Variants in NBPF14 observed in about 807,000 individuals in gnomAD.
The protein encoded by NBPF14 is NBPF member 14.
NBPF14 carries 104 observed loss-of-function variants against 91.2 expected under a neutral mutation model. That is an observed-to-expected ratio of 1.14 (90% confidence interval 0.97 to 1.34). The LOEUF is 1.34. Ranked by LOEUF, NBPF14 falls within the 40% of genes most tolerant of loss-of-function variation. The pLI is 0.00. For missense variants in NBPF14, 908 were observed against 783.0 expected (o/e 1.16, Z -1.91); for synonymous variants, 294 against 303.8 (o/e 0.97, Z 0.34).
At chr1:148,566,608 A>G (rs1282431239) in intron 28 of NBPF14, among the ~76,000 whole-genome samples, 7 of 141,810 alleles carry the variant, frequency 4.9e-5, no homozygotes, top group Admixed American at 1.4e-4. Context: ...TGAGGGAGTA[A>G]CAGGACACTC....
chr1:148,534,264 C>T (rs1354204528), intron 69 of NBPF14, among the ~76,000 whole-genome samples: 3 of 151,770 alleles, frequency 2.0e-5, no homozygotes, highest in Middle Eastern at 3.4e-3. Flanking sequence ...AAGCAAATAC[C>T]CTCAATGATT....
At position 148,559,968 on chromosome 1, in the gene NBPF14, G is replaced by A. The variant is rs1262979607; in HGVS notation, c.4557-3C>T. On this transcript the variant is annotated splice_region_variant and splice_polypyrimidine_tract_variant and intron_variant, in intron 36 of 70. Coordinates refer to ENST00000619423, the Ensembl canonical transcript of NBPF14. ...CATGCAGCAGCTCCCTGCTGAGCCT[G>A]GAAAAGTGGAAAAAAGTAAAGAATA... 3.8e-6 allele frequency: 5 copies of A among 1,321,734 alleles called. No individual in the cohort carries two copies. The highest frequency in any genetic ancestry group is 2.5e-5 in the East Asian group (1 of 39,726). The allele number at this position is 1,321,734 out of a possible 1,614,324, so 81.9% of individuals were successfully genotyped here. A position where few individuals can be genotyped will look rare whatever the true frequency, so the allele number is the denominator to read the frequency against.
intron 37 of NBPF14, among the ~76,000 whole-genome samples, chr1:148,559,528 T>C (rs1213401699): frequency 2.4e-5 from 3 of 122,454 alleles, no homozygotes; most frequent in Admixed American, 8.1e-5. Context: ...TGTGAATTTG[T>C]CACATCTGCC....
intron 70 of NBPF14, among the ~76,000 whole-genome samples, 174 bp downstream of exon 70, chr1:148,533,687 G>C (rs1459455207): frequency 2.0e-5 from 3 of 150,590 alleles, no homozygotes; most frequent in Admixed American, 6.7e-5. Flanking sequence ...GAAATGATAA[G>C]GGGAGGAAGA....
chr1:148,534,755 A>C lies in NBPF14; in HGVS notation c.8543T>G (p.Leu2848Ter). ...AACAGCACTGCTGTAGGGCTGGCCT[A>C]AGTCAGGCAGTTCAAGATAACCTGA... Residue 2848 changes from leucine to a stop codon, truncating the protein, a stop_gained, in exon 69 of 71, where the codon TTA becomes TGA. Coordinates refer to ENST00000619423, the Ensembl canonical transcript of NBPF14. LOFTEE classifies it high-confidence loss of function. 1 of 818,190 alleles carries C rather than the reference A, an allele frequency of 1.2e-6. No homozygotes were observed. The highest frequency in any genetic ancestry group is 2.2e-6 in the Non-Finnish European group (1 of 463,472). The allele number at this position is 818,190 out of a possible 1,614,324, so 50.7% of individuals were successfully genotyped here.
intron 11 of NBPF14, among the ~76,000 whole-genome samples, chr1:148,583,871 A>C (rs1661124316): frequency 1.2e-5 from 1 of 84,958 alleles, no homozygotes; most frequent in Non-Finnish European, 2.0e-5. Context: ...TCCATTGCAA[A>C]AAAAAAAAAA....
Position 148,539,259 on chromosome 1 carries a change from G to C in NBPF14, c.7882+151C>G, listed in dbSNP as rs1167481308. On this transcript the variant is annotated intron_variant, in intron 63 of 70. Transcript: ENST00000619423. ...ATTTCATGTCTAGGCTTCCAACTGAGACTACAGTTTCTTTACAACCTATAT... is the reference window on the plus strand; with the variant it reads ...ATTTCATGTCTAGGCTTCCAACTGACACTACAGTTTCTTTACAACCTATAT... 92 of 602,420 alleles carry C rather than the reference G, an allele frequency of 1.5e-4. 19 individuals are homozygous for C. Among genetic ancestry groups the C allele is most frequent in the Non-Finnish European group, 2.6e-5 (9 of 341,600 alleles). The allele number at this position is 602,420 out of a possible 1,614,324, so 37.3% of individuals were successfully genotyped here. A position where few individuals can be genotyped will look rare whatever the true frequency, so the allele number is the denominator to read the frequency against.
intron 14 of NBPF14, among the ~76,000 whole-genome samples, chr1:148,577,675 G>A (rs1331414171): frequency 1.3e-4 from 19 of 147,982 alleles, no homozygotes; most frequent in Middle Eastern, 3.4e-3. Flanking sequence ...GACACACAGT[G>A]AACAGTGATC....
chr1:148,559,857 C>T (rs1411242048), exon 37 of NBPF14: 13 of 1,510,094 alleles, frequency 8.6e-6, no homozygotes, highest in Middle Eastern at 4.7e-4. Flanking sequence ...TTCTATAGGG[C>T]TGGCATGAGT....
intron 14 of NBPF14, among the ~76,000 whole-genome samples, 181 bp from the exon 15 acceptor site, chr1:148,577,536 C>A (rs1340519387): frequency 7.5e-5 from 10 of 132,636 alleles, no homozygotes; most frequent in Non-Finnish European, 1.1e-4. Flanking sequence ...AAAGGATGAA[C>A]GAGAAAGACA....
intron 6 of NBPF14, among the ~76,000 whole-genome samples, chr1:148,590,229 T>G (rs1325101038): frequency 2.1e-5 from 3 of 140,454 alleles, no homozygotes; most frequent in Non-Finnish European, 4.7e-5. Flanking sequence ...TTTTTTTTTT[T>G]TGTATTTTTA....
intron 13 of NBPF14, among the ~76,000 whole-genome samples, chr1:148,578,755 G>C (rs1238851733): frequency 6.9e-6 from 1 of 145,934 alleles, no homozygotes; most frequent in African/African-American, 2.5e-5. Context: ...CAGATGAGCT[G>C]ATCTGACAGA....
intron 38 of NBPF14, 27 bp downstream of exon 38, chr1:148,558,994 T>G: frequency 2.2e-6 from 1 of 449,184 alleles, no homozygotes; most frequent in East Asian, 4.0e-5. Flanking sequence ...AACACAGAAT[T>G]AAGCATCCAT....
At position 148,571,295 on chromosome 1, in the gene NBPF14, C is replaced by T. The variant is rs1250961573; in HGVS notation, c.2811-258G>A. 2.1e-3 allele frequency among the ~76,000 whole-genome samples: 164 copies of T among 78,010 alleles called. 1 individual carries two copies. Among genetic ancestry groups the T allele is most frequent in the African/African-American group, 0.013 (139 of 11,070 alleles). The allele number at this position is 78,010 out of a possible 152,430, so 51.2% of individuals were successfully genotyped here. On this transcript the variant is annotated intron_variant, in intron 22 of 70. Coordinates refer to ENST00000619423, the Ensembl canonical transcript of NBPF14. Reference sequence around the variant, plus strand: ...CACACAGAGAGAGAGAGAGAGAGAACGAGCTCAGTGAATTGTCCAGGTGAC... The same window carrying T: ...CACACAGAGAGAGAGAGAGAGAGAATGAGCTCAGTGAATTGTCCAGGTGAC...
In NBPF14 at chr1:148,587,284, C is replaced by T. The variant is rs1661711428; in HGVS notation, c.1091+17G>A. The T allele has an allele frequency of 7.6e-6, 12 of 1,570,844 alleles. No homozygotes were observed. The highest frequency in any genetic ancestry group is 1.0e-5 in the Non-Finnish European group (12 of 1,148,886). On this transcript the variant is annotated intron_variant, in intron 8 of 70. Transcript: ENST00000619423. Reference sequence around the variant, plus strand: ...TACACACCTGCCCCCCTGCCTGCCCCCATGGGGTCCCCTCACCTGAGCTCC... The same window carrying T: ...TACACACCTGCCCCCCTGCCTGCCCTCATGGGGTCCCCTCACCTGAGCTCC...
rs1465202951 is a variant in NBPF14, at chr1:148,592,811, G to C, written c.279-45C>G. On this transcript the variant is annotated intron_variant, in intron 3 of 70. Transcript: ENST00000619423. ...AAAATTTAAGAGTAGAAAGGGTTGAGTGATCCGTTCAAATATTGCAACAGA... is the reference window on the plus strand; with the variant it reads ...AAAATTTAAGAGTAGAAAGGGTTGACTGATCCGTTCAAATATTGCAACAGA... The C allele has an allele frequency of 2.3e-6, 3 of 1,319,976 alleles. No homozygotes were observed. The African/African-American group carries it at 5.1e-5, about 22-fold the overall frequency. 81.8% of individuals were successfully genotyped at this position (1,319,976 alleles called of 1,614,324 possible). A position where few individuals can be genotyped will look rare whatever the true frequency, so the allele number is the denominator to read the frequency against.
chr1:148,566,675 A>G (rs1426713192), intron 28 of NBPF14, among the ~76,000 whole-genome samples: 1 of 128,864 alleles, frequency 7.8e-6, no homozygotes, highest in Non-Finnish European at 1.7e-5. Flanking sequence ...ACTGTGCTCA[A>G]TAATTTTCCA....
chr1:148,561,698 A>C, intron 34 of NBPF14, 119 bp from the exon 35 acceptor site: 1 of 326,594 alleles, frequency 3.1e-6, no homozygotes, highest in Non-Finnish European at 5.0e-6. Flanking sequence ...TAGATCCATT[A>C]ATGAGGTAAC....
At chr1:148,535,985 G>T (rs1275978949) in intron 67 of NBPF14, among the ~76,000 whole-genome samples, 7 of 150,640 alleles carry the variant, frequency 4.6e-5, no homozygotes, top group Middle Eastern at 3.5e-3. Flanking sequence ...CCAACATCTT[G>T]AGAGTAGGAT....
Sources: allele counts gnomAD v4.1 joint callset (sites outside exome capture counted in the v4.1 genomes callset), GRCh38; gene constraint gnomAD v4.1.1; transcripts MANE v1.5; gene names NCBI Gene and HGNC (gene_info 2026-07-23, HGNC 2026-07-21).